EPC2: variants seen among roughly 807,000 people sequenced by gnomAD.
EPC2 encodes the protein enhancer of polycomb homolog 2.
A neutral mutation model predicts 92.1 loss-of-function variants in EPC2; 14 were observed. The ratio of observed to expected loss-of-function variants is 0.15; its 90% CI spans 0.10 to 0.24. The LOEUF is 0.24. EPC2 is among the 10% of genes least tolerant of loss of function. The pLI, the probability that EPC2 is intolerant of heterozygous loss-of-function variation, is 1.00. For missense variants in EPC2, 755 were observed against 971.5 expected (o/e 0.78, Z 2.96); for synonymous variants, 340 against 334.7 (o/e 1.02, Z -0.17).
chr2:148,744,762 T>A (rs1682948476), intron 3 of EPC2, among the ~76,000 whole-genome samples: 1 of 152,084 alleles, frequency 6.6e-6, no homozygotes, highest in African/African-American at 2.4e-5. Flanking sequence ...TAAGTTTTGG[T>A]GTACCTGTGT....
rs184635364 is a variant in EPC2, at chr2:148,765,804, G to A, written c.1140+658G>A. Among the ~76,000 whole-genome samples, 8 of 152,260 alleles carry A rather than the reference G, an allele frequency of 5.3e-5. No individual in the cohort carries two copies. In the South Asian group the frequency reaches 8.3e-4, roughly 16 times the overall value. On this transcript the variant is annotated intron_variant, in intron 7 of 13. Transcript: ENST00000258484. ...TATAATCCCAGCACTTTGGGAGGCCGAGGCAGGCGGATCACAAGATCAGGA... is the reference window on the plus strand; with the variant it reads ...TATAATCCCAGCACTTTGGGAGGCCAAGGCAGGCGGATCACAAGATCAGGA...
chr2:148,756,308 T>G (rs778812593), intron 4 of EPC2, among the ~76,000 whole-genome samples: 10 of 152,234 alleles, frequency 6.6e-5, no homozygotes, highest in Admixed American at 1.3e-4. Flanking sequence ...CCAAAGACGA[T>G]TCCCTATCAT....
At chr2:148,785,364 C>T (rs1392779270) in intron 13 of EPC2, among the ~76,000 whole-genome samples, 1 of 151,646 alleles carries the variant, frequency 6.6e-6, no homozygotes, top group Non-Finnish European at 1.5e-5. Flanking sequence ...GTCTTGCTGT[C>T]TTGCCCAGGC....
intron 1 of EPC2, among the ~76,000 whole-genome samples, chr2:148,667,225 A>G (rs1360166282): frequency 6.6e-6 from 1 of 152,220 alleles, no homozygotes; most frequent in Non-Finnish European, 1.5e-5. Context: ...GACTTTGCCA[A>G]TCAAAACTCT....
intron 1 of EPC2, among the ~76,000 whole-genome samples, chr2:148,648,599 C>A (rs904454266): frequency 3.3e-5 from 5 of 152,254 alleles, no homozygotes; most frequent in Admixed American, 2.6e-4. Context: ...GCTTGGTTGG[C>A]AAAATCTTTT....
chr2:148,783,809 A>T, intron 12 of EPC2, 53 bp downstream of exon 12: 7 of 1,520,018 alleles, frequency 4.6e-6, no homozygotes, highest in Non-Finnish European at 5.3e-6. Flanking sequence ...TAACTCAGTG[A>T]TTGGGAGTTT....
chr2:148,676,533 A>G (rs904121105), intron 1 of EPC2, among the ~76,000 whole-genome samples: 3 of 152,100 alleles, frequency 2.0e-5, no homozygotes, highest in Non-Finnish European at 2.9e-5. Context: ...AAAAATAACA[A>G]TCACTTAATT....
chr2:148,699,640 C>A (rs567914171), intron 2 of EPC2, among the ~76,000 whole-genome samples: 1 of 152,236 alleles, frequency 6.6e-6, no homozygotes, highest in African/African-American at 2.4e-5. Context: ...TATCCATTCA[C>A]CTATTAAAAG....
chr2:148,786,295 A>G lies in EPC2; in HGVS notation c.2352-10A>G, dbSNP rs749521048. The G allele has an allele frequency of 1.2e-6, 2 of 1,606,844 alleles. No individual in the cohort carries two copies. Among genetic ancestry groups the G allele is most frequent in the South Asian group, 2.2e-5 (2 of 89,956 alleles). The stretch of plus-strand genomic sequence containing the variant: ...TGATATTTATTTTATCCTTTGCCTT[A>G]TTACCATAGAGAGAACCACGAACCA... On this transcript the variant is annotated splice_polypyrimidine_tract_variant and intron_variant, in intron 13 of 13. Transcript: ENST00000258484.
chr2:148,728,157 G>A lies in EPC2; in HGVS notation c.314-15465G>A, dbSNP rs535445354. On this transcript the variant is annotated intron_variant, in intron 2 of 13. Transcript: ENST00000258484. ...GGAGCTTACCATGTTGCTCAGGCTG[G>A]TTTTGAATTCCTAGGCTCAAGCAGT... Among the ~76,000 whole-genome samples, 3 of 152,142 alleles carry A rather than the reference G, an allele frequency of 2.0e-5. No homozygotes were observed. In the South Asian group the frequency reaches 6.2e-4, roughly 32 times the overall value.
intron 2 of EPC2, among the ~76,000 whole-genome samples, chr2:148,735,832 T>C (rs997567627): frequency 6.6e-6 from 1 of 152,018 alleles, no homozygotes; most frequent in East Asian, 1.9e-4. Flanking sequence ...GACTGTCTTA[T>C]AAGTGATCTC....
chr2:148,731,336 T>G (rs1027387469), intron 2 of EPC2, among the ~76,000 whole-genome samples: 2 of 152,240 alleles, frequency 1.3e-5, no homozygotes, highest in African/African-American at 2.4e-5. Context: ...TGCTTGTGTT[T>G]CTGTCTTATT....
At chr2:148,682,595 A>C (rs1223864485) in intron 1 of EPC2, among the ~76,000 whole-genome samples, 2 of 152,102 alleles carry the variant, frequency 1.3e-5, no homozygotes, top group Non-Finnish European at 2.9e-5. Flanking sequence ...CAGAGAGTCG[A>C]GTTACTCATA....
intron 10 of EPC2, among the ~76,000 whole-genome samples, chr2:148,772,666 TTAAG>T (rs1239805158): frequency 1.3e-5 from 2 of 152,194 alleles, no homozygotes; most frequent in African/African-American, 2.4e-5. Context: ...CTAAACAAAC[TTAAG>T]TAAGGAAAAT....
At chr2:148,785,109 T>C in intron 13 of EPC2, 108 bp downstream of exon 13, 2 of 904,204 alleles carry the variant, frequency 2.2e-6, no homozygotes, top group Non-Finnish European at 3.1e-6. Flanking sequence ...ATTGACAGAC[T>C]TGATTTTCAA....
At chr2:148,685,823 G>A (rs1045557775) in intron 1 of EPC2, among the ~76,000 whole-genome samples, 4 of 152,298 alleles carry the variant, frequency 2.6e-5, no homozygotes, top group Middle Eastern at 3.4e-3. Context: ...GGTCTATTAC[G>A]TATGCACTAG....
chr2:148,673,442 GCT>G (rs780444042), intron 1 of EPC2, among the ~76,000 whole-genome samples: 4 of 151,970 alleles, frequency 2.6e-5, no homozygotes, highest in Admixed American at 2.0e-4. Context: ...CTGATGATTT[GCT>G]CTGTTTGATA....
At chr2:148,662,173 G>C (rs570854626) in intron 1 of EPC2, among the ~76,000 whole-genome samples, 8 of 152,292 alleles carry the variant, frequency 5.3e-5, no homozygotes, top group Non-Finnish European at 1.0e-4. Context: ...AACAACAGGT[G>C]CTGGAGAGGA....
At chr2:148,744,027 T>C (rs534737185) in intron 3 of EPC2, among the ~76,000 whole-genome samples, 9 of 152,156 alleles carry the variant, frequency 5.9e-5, no homozygotes, top group Non-Finnish European at 1.0e-4. Flanking sequence ...ATTGATCCTT[T>C]CCATATGACT....
Sources: allele counts gnomAD v4.1 joint callset (sites outside exome capture counted in the v4.1 genomes callset), GRCh38; gene constraint gnomAD v4.1.1; transcripts MANE v1.5; gene names NCBI Gene and HGNC (gene_info 2026-07-23, HGNC 2026-07-21).